EML5: variants seen among roughly 807,000 people sequenced by gnomAD.
EML5 encodes echinoderm microtubule-associated protein-like 5.
A neutral mutation model predicts 250.0 loss-of-function variants in EML5; 120 were observed. That is an observed-to-expected ratio of 0.48 (90% CI 0.41 to 0.56). EML5 has a LOEUF of 0.56. Among genes scored for constraint, EML5 ranks in the 20% least tolerant of loss-of-function variants. EML5 has a pLI of 0.00. For missense variants in EML5, 2,006 were observed against 2,437.6 expected, an observed-to-expected ratio of 0.82 and a Z score of 3.73; for synonymous variants, 771 against 806.5, an observed-to-expected ratio of 0.96 and a Z score of 0.75.
chr14:88,766,116 T>C (rs1466194505), intron 1 of EML5, among the ~76,000 whole-genome samples: 1 of 152,230 alleles, frequency 6.6e-6, no homozygotes. Flanking sequence ...AATCTCGTCA[T>C]CTTCGTAAGC....
chr14:88,774,114 G>C (rs1239788262), intron 1 of EML5, among the ~76,000 whole-genome samples: 1 of 152,100 alleles, frequency 6.6e-6, no homozygotes, highest in Non-Finnish European at 1.5e-5. Flanking sequence ...GCGAGACTCT[G>C]TCTCAAAAAA....
intron 21 of EML5, among the ~76,000 whole-genome samples, chr14:88,678,130 T>C (rs1224836294): frequency 6.6e-6 from 1 of 152,186 alleles, no homozygotes; most frequent in Non-Finnish European, 1.5e-5. Context: ...AACAAGATCA[T>C]GTCCTTTGTG....
chr14:88,618,842 A>G (rs1368216275), intron 39 of EML5, 30 bp from the exon 40 acceptor site: 1 of 1,540,912 alleles, frequency 6.5e-7, no homozygotes, highest in Middle Eastern at 2.0e-4. Context: ...AAAAAGTATT[A>G]GACCACATGA....
intron 27 of EML5, among the ~76,000 whole-genome samples, chr14:88,654,640 A>C (rs2091791821): frequency 6.6e-6 from 1 of 152,160 alleles, no homozygotes; most frequent in Admixed American, 6.6e-5. Flanking sequence ...CTATGGTTTG[A>C]GAGACTGTTT....
chr14:88,708,963 T>G (rs2093361635), intron 10 of EML5, among the ~76,000 whole-genome samples: 1 of 152,088 alleles, frequency 6.6e-6, no homozygotes, highest in Admixed American at 6.6e-5. Flanking sequence ...GGATGAAAAT[T>G]CTTGGTAAGG....
chr14:88,787,925 G>A (rs990123568), intron 1 of EML5, among the ~76,000 whole-genome samples: 3 of 152,150 alleles, frequency 2.0e-5, no homozygotes, highest in Non-Finnish European at 4.4e-5. Context: ...CATGGTGGGG[G>A]CAATGTGTTT....
chr14:88,709,423 C>CAA (rs1312798996), intron 10 of EML5, among the ~76,000 whole-genome samples: 4 of 150,724 alleles, frequency 2.7e-5, no homozygotes, highest in Non-Finnish European at 4.4e-5. Context: ...AATAACCCAA[C>CAA]AGAAAATAGG....
chr14:88,737,605 T>C (rs2093863476), intron 6 of EML5, among the ~76,000 whole-genome samples: 1 of 152,240 alleles, frequency 6.6e-6, no homozygotes, highest in African/African-American at 2.4e-5. Context: ...TAAATTGAAG[T>C]TAATTTTGTA....
chr14:88,637,275 AT>A (rs1221556211), intron 32 of EML5, among the ~76,000 whole-genome samples: 1 of 152,174 alleles, frequency 6.6e-6, no homozygotes, highest in Non-Finnish European at 1.5e-5. Context: ...ATAATCTAAA[AT>A]TTACCTCTGT....
At chr14:88,745,135 C>G (rs1460678273) in intron 3 of EML5, among the ~76,000 whole-genome samples, 1 of 140,080 alleles carries the variant, frequency 7.1e-6, no homozygotes, top group Non-Finnish European at 1.5e-5. Flanking sequence ...TAAAATATAT[C>G]CAACATTTTA....
chr14:88,749,568 A>T (rs1325775717), intron 2 of EML5, among the ~76,000 whole-genome samples: 1 of 152,168 alleles, frequency 6.6e-6, no homozygotes, highest in African/African-American at 2.4e-5. Flanking sequence ...GCAAAATAAC[A>T]GTTATTATGG....
chr14:88,624,737 C>G (rs2089654971), intron 36 of EML5: 1 of 482,960 alleles, frequency 2.1e-6, no homozygotes, highest in South Asian at 2.7e-5. Flanking sequence ...AGGACAACTA[C>G]CTATCCACAC....
At chr14:88,770,576 A>G (rs1295527795) in intron 1 of EML5, among the ~76,000 whole-genome samples, 2 of 152,118 alleles carry the variant, frequency 1.3e-5, no homozygotes, top group Non-Finnish European at 2.9e-5. Context: ...TTAATATTGG[A>G]TAGGAGCTGA....
intron 8 of EML5, among the ~76,000 whole-genome samples, chr14:88,726,106 TCAAA>T (rs761706254): frequency 2.0e-5 from 3 of 149,582 alleles, no homozygotes; most frequent in Non-Finnish European, 2.9e-5. Flanking sequence ...TTCTAATTAC[TCAAA>T]CAAAAGAAGA....
intron 17 of EML5, among the ~76,000 whole-genome samples, chr14:88,692,801 T>C (rs1197383981): frequency 6.6e-6 from 1 of 152,232 alleles, no homozygotes; most frequent in East Asian, 1.9e-4. Context: ...TGATGAGTTT[T>C]TGATAAAGTG....
chr14:88,668,299 G>A (rs12587776), intron 21 of EML5, among the ~76,000 whole-genome samples: 19,083 of 152,206 alleles, frequency 0.13, 1,499 homozygotes, highest in East Asian at 0.28. Context: ...GGGGAGAAGC[G>A]CTGGAGCAGT....
rs1355602256 is a variant in EML5 at position 88,646,814 on chromosome 14, C to T, written c.4028+133G>A. Reference sequence around the variant, plus strand: ...GTTATTCATTTCAGTGATACCAATTCCAAAGGAAAAAAATGTGCAAAACTG... The same window carrying T: ...GTTATTCATTTCAGTGATACCAATTTCAAAGGAAAAAAATGTGCAAAACTG... On this transcript the variant is annotated intron_variant, in intron 29 of 43. Transcript: ENST00000554922. 3.6e-6 allele frequency: 3 copies of T among 828,654 alleles called. No individual in the cohort carries two copies. The African/African-American group carries it at 5.2e-5, about 14-fold the overall frequency. 51.3% of individuals were successfully genotyped at this position (828,654 alleles called of 1,614,324 possible).
At chr14:88,678,514 C>A (rs1265203637) in intron 21 of EML5, among the ~76,000 whole-genome samples, 4 of 152,072 alleles carry the variant, frequency 2.6e-5, no homozygotes, top group Non-Finnish European at 5.9e-5. Flanking sequence ...TGCACCTGAA[C>A]CTCCTAGACA....
chr14:88,695,820 C>A (rs2093065616), intron 15 of EML5, among the ~76,000 whole-genome samples: 1 of 151,996 alleles, frequency 6.6e-6, no homozygotes, highest in African/African-American at 2.4e-5. Context: ...AAGAAATTTA[C>A]TGTAATATAA....
Sources: gnomAD v4.1 joint callset for allele counts (sites outside exome capture counted in the v4.1 genomes callset) on GRCh38, gnomAD v4.1.1 for gene constraint, MANE v1.5 for transcripts, NCBI Gene and HGNC (gene_info 2026-07-23, HGNC 2026-07-21) for gene names.